LIMK2: variants seen among roughly 807,000 people sequenced by gnomAD.
LIMK2 encodes the protein LIM domain kinase 2.
Under a neutral mutation model 75.7 loss-of-function variants are expected in LIMK2, and 35 were observed. The ratio of observed to expected loss-of-function variants is 0.46; its 90% confidence interval spans 0.35 to 0.61. LIMK2 has a LOEUF of 0.61. LIMK2 is among the 20% of genes least tolerant of loss of function. The pLI, the probability that LIMK2 is intolerant of heterozygous loss-of-function variation, is 0.00. For missense variants in LIMK2, 623 were observed against 831.0 expected, an observed-to-expected ratio of 0.75 and a Z score of 3.08; for synonymous variants, 301 against 319.2, an observed-to-expected ratio of 0.94 and a Z score of 0.61.
intron 2 of LIMK2, among the ~76,000 whole-genome samples, chr22:31,243,955 G>T (rs557839459): frequency 6.6e-6 from 1 of 152,350 alleles, no homozygotes; most frequent in African/African-American, 2.4e-5. Flanking sequence ...TCCTCCTGAA[G>T]TCTGAATTTT....
At chr22:31,266,665 A>T (rs1201728507) in intron 8 of LIMK2, among the ~76,000 whole-genome samples, 1 of 151,950 alleles carries the variant, frequency 6.6e-6, no homozygotes, top group Non-Finnish European at 1.5e-5. Flanking sequence ...ACTTCTGTTC[A>T]CTCAGGAGAC....
intron 15 of LIMK2, chr22:31,277,440 C>A (rs2049042503): frequency 1.7e-6 from 2 of 1,169,772 alleles, no homozygotes; most frequent in Admixed American, 8.8e-5. Context: ...AAAATGATTT[C>A]CAGCGGTCCA....
rs920559448 is a variant in LIMK2, at chr22:31,258,075, C to T, written c.117-216C>T. Reference sequence around the variant, plus strand: ...AAGAGGTTATGAAACACTAGTCTGTCCACTGAGGCAGGCAACACAGAGCTG... The same window carrying T: ...AAGAGGTTATGAAACACTAGTCTGTTCACTGAGGCAGGCAACACAGAGCTG... On this transcript the variant is annotated intron_variant, in intron 2 of 15. Transcript: ENST00000331728. Among the ~76,000 whole-genome samples the T allele has an allele frequency of 3.3e-5, 5 of 152,290 alleles. No individual in the cohort carries two copies. In the South Asian group the frequency reaches 6.2e-4, roughly 19 times the overall value.
chr22:31,213,863 T>C (rs1345833718), intron 1 of LIMK2, among the ~76,000 whole-genome samples: 2 of 150,322 alleles, frequency 1.3e-5, no homozygotes, highest in African/African-American at 2.4e-5. Context: ...TCGCCCAGGC[T>C]GGGGTGCAGT....
chr22:31,245,654 G>T (rs931378413), intron 2 of LIMK2, among the ~76,000 whole-genome samples: 2 of 151,970 alleles, frequency 1.3e-5, no homozygotes, highest in African/African-American at 4.8e-5. Flanking sequence ...TACCCAGGCT[G>T]GTCTCAAACT....
chr22:31,254,124 C>T (rs371589635), intron 2 of LIMK2, among the ~76,000 whole-genome samples: 12 of 152,234 alleles, frequency 7.9e-5, no homozygotes, highest in East Asian at 3.9e-4. Context: ...AGGTGTTCTT[C>T]CCAGCAGGCT....
rs2048690306 is a variant in LIMK2, at chr22:31,248,344, TGAA to T, written c.117-9939_117-9937del. 7.3e-6 allele frequency: 9 copies of T among 1,236,288 alleles called. No homozygotes were observed. In the South Asian group the frequency reaches 8.6e-5, roughly 12 times the overall value. The allele number at this position is 1,236,288 out of a possible 1,614,324, so 76.6% of individuals were successfully genotyped here. ...TCCCTCCCTCATTCAGGGGTGGGACTGAAGAAGAAGGCTAACTTGACAGCAGCG... is the reference window on the plus strand; with the variant it reads ...TCCCTCCCTCATTCAGGGGTGGGACTGAAGAAGGCTAACTTGACAGCAGCG... On this transcript the variant is annotated intron_variant, in intron 2 of 15. Transcript: ENST00000331728.
intron 2 of LIMK2, among the ~76,000 whole-genome samples, chr22:31,252,460 T>C (rs2048734268): frequency 6.6e-6 from 1 of 151,634 alleles, no homozygotes; most frequent in Admixed American, 6.6e-5. Context: ...GAGGATCTCT[T>C]GAGCCTGGGA....
chr22:31,266,832 C>G (rs1479597749), intron 8 of LIMK2, 152 bp from the exon 9 acceptor site: 1 of 639,342 alleles, frequency 1.6e-6, no homozygotes, highest in Non-Finnish European at 2.9e-6. Context: ...CCATGTTGCT[C>G]CACGCTGCAT....
At chr22:31,233,894 C>G (rs562587786) in intron 2 of LIMK2, among the ~76,000 whole-genome samples, 21 of 152,178 alleles carry the variant, frequency 1.4e-4, no homozygotes, top group Non-Finnish European at 3.1e-4. Context: ...CTCCCACCAC[C>G]ACCCTGCTCC....
chr22:31,244,003 C>T (rs540490452), intron 2 of LIMK2, among the ~76,000 whole-genome samples: 1 of 152,328 alleles, frequency 6.6e-6, no homozygotes, highest in African/African-American at 2.4e-5. Flanking sequence ...GGGGCTTCTG[C>T]TTCAACTCAG....
chr22:31,274,690 C>T (rs933026503), intron 14 of LIMK2, among the ~76,000 whole-genome samples: 6 of 152,190 alleles, frequency 3.9e-5, no homozygotes, highest in East Asian at 3.8e-4. Flanking sequence ...CATGAGCTAC[C>T]GTGCCTGGCC....
chr22:31,226,390 C>T (rs887281474), intron 2 of LIMK2, among the ~76,000 whole-genome samples: 13 of 141,288 alleles, frequency 9.2e-5, no homozygotes, highest in Admixed American at 2.9e-4. Flanking sequence ...TTAGTGGAGA[C>T]GGGGGTTTCA....
chr22:31,256,495 C>T (rs2048783628), intron 2 of LIMK2, among the ~76,000 whole-genome samples: 1 of 151,312 alleles, frequency 6.6e-6, no homozygotes, highest in Non-Finnish European at 1.5e-5. Flanking sequence ...TGCATGCCAC[C>T]ACGCCCAGCT....
intron 2 of LIMK2, among the ~76,000 whole-genome samples, chr22:31,247,081 T>TGG (rs2123811125): frequency 6.6e-6 from 1 of 152,348 alleles, no homozygotes; most frequent in South Asian, 2.1e-4. Context: ...ACCATCTTTA[T>TGG]CAGACTTTCC....
At chr22:31,275,044 C>T in intron 14 of LIMK2, 107 bp from the exon 15 acceptor site, 1 of 1,072,566 alleles carries the variant, frequency 9.3e-7, no homozygotes. Context: ...TATTTTACCA[C>T]CTCCTCTTCT....
chr22:31,248,005 T>TC (rs990197039), intron 2 of LIMK2, among the ~76,000 whole-genome samples: 3 of 149,658 alleles, frequency 2.0e-5, no homozygotes, highest in Admixed American at 1.3e-4. Context: ...CTACCAGAGG[T>TC]CCCCCCGTCT....
chr22:31,244,944 G>A (rs1211442719), intron 2 of LIMK2, among the ~76,000 whole-genome samples: 2 of 152,192 alleles, frequency 1.3e-5, no homozygotes, highest in African/African-American at 4.8e-5. Flanking sequence ...TTACAGCTGA[G>A]TGACCTCAGG....
chr22:31,272,472 C>G, intron 12 of LIMK2, 58 bp from the exon 13 acceptor site: 2 of 1,513,934 alleles, frequency 1.3e-6, no homozygotes, highest in Middle Eastern at 3.6e-4. Context: ...TGCTTCCTCC[C>G]CAGGGCCAGG....
Sources: gnomAD v4.1 joint callset for allele counts (sites outside exome capture counted in the v4.1 genomes callset) on GRCh38, gnomAD v4.1.1 for gene constraint, MANE v1.5 for transcripts, NCBI Gene and HGNC (gene_info 2026-07-23, HGNC 2026-07-21) for gene names.